The following DRC8 variants were observed in gnomAD, a reference collection of about 807,000 sequenced individuals.
DRC8 encodes the protein dynein regulatory complex protein 8.
chr1:245,087,538 T>C, the DRC8 span: 251 of 1,276,480 alleles, frequency 2.0e-4, 2 homozygotes, highest in East Asian at 2.6e-3. Context: ...TTAGTATGTC[T>C]AGCCTTACAG....
chr1:244,994,143 T>C, the DRC8 span, among the ~76,000 whole-genome samples: 1 of 152,216 alleles, frequency 6.6e-6, no homozygotes, highest in African/African-American at 2.4e-5. Context: ...TTGTCATCTT[T>C]TCTTTTACGA....
chr1:245,101,325 A>T, the DRC8 span, among the ~76,000 whole-genome samples: 1 of 152,220 alleles, frequency 6.6e-6, no homozygotes, highest in Non-Finnish European at 1.5e-5. Flanking sequence ...TGGTTGCATC[A>T]TCATGGTATA....
chr1:245,002,375 T>G, the DRC8 span: 1 of 699,132 alleles, frequency 1.4e-6, no homozygotes. Flanking sequence ...AATCTTCATT[T>G]GATAGCTATT....
chr1:245,083,401 T>G, the DRC8 span: 1 of 1,584,662 alleles, frequency 6.3e-7, no homozygotes, highest in Non-Finnish European at 8.7e-7. Flanking sequence ...AAGACTGCGG[T>G]AAATACCACG....
the DRC8 span, among the ~76,000 whole-genome samples, chr1:245,118,691 T>C: frequency 3.9e-5 from 6 of 151,928 alleles, no homozygotes; most frequent in Non-Finnish European, 7.4e-5. Flanking sequence ...CTCAGGAGGC[T>C]GAGGCAGGAG....
the DRC8 span, among the ~76,000 whole-genome samples, chr1:245,096,056 T>C: frequency 1.1e-3 from 168 of 152,350 alleles, no homozygotes; most frequent in African/African-American, 3.8e-3. Context: ...AAAGATTCAA[T>C]TGGATTAGCT....
the DRC8 span, among the ~76,000 whole-genome samples, chr1:245,108,946 C>CA: frequency 1.3e-5 from 2 of 152,062 alleles, no homozygotes; most frequent in Non-Finnish European, 2.9e-5. Flanking sequence ...TGGGTTTTGT[C>CA]AAAAGCAGAA....
At chr1:245,002,239 T>A in the DRC8 span, 1 of 1,597,282 alleles carries the variant, frequency 6.3e-7, no homozygotes, top group South Asian at 1.1e-5. Flanking sequence ...CAGGGTACAG[T>A]GCATTCATAC....
chr1:245,088,788 C>T, the DRC8 span, among the ~76,000 whole-genome samples: 1 of 152,152 alleles, frequency 6.6e-6, no homozygotes, highest in South Asian at 2.1e-4. The surrounding 1 kb of genome is among the most constrained non-coding windows in gnomAD (Gnocchi z 4.6). Context: ...GGGCACAGGG[C>T]ATTTCAGCAG....
At chr1:245,116,187 CT>C in the DRC8 span, among the ~76,000 whole-genome samples, 1 of 151,740 alleles carries the variant, frequency 6.6e-6, no homozygotes, top group East Asian at 1.9e-4. Flanking sequence ...TGTGCCTGGC[CT>C]AAAGATCCTA....
the DRC8 span, among the ~76,000 whole-genome samples, chr1:245,077,767 A>T: frequency 6.6e-6 from 1 of 152,230 alleles, no homozygotes; most frequent in East Asian, 1.9e-4. Context: ...GAGCCATAAA[A>T]CTAGAAGAAA....
the DRC8 span, among the ~76,000 whole-genome samples, chr1:245,006,931 C>T: frequency 6.7e-6 from 1 of 150,192 alleles, no homozygotes; most frequent in African/African-American, 2.4e-5. Flanking sequence ...AAGACTCTGT[C>T]TCAAAAACAA....
At chr1:245,000,328 G>A in the DRC8 span, among the ~76,000 whole-genome samples, 7 of 152,188 alleles carry the variant, frequency 4.6e-5, no homozygotes, top group Admixed American at 4.6e-4. Flanking sequence ...TCAACTGCGT[G>A]CAACTTAAAA....
At chr1:244,986,216 A>G in the DRC8 span, among the ~76,000 whole-genome samples, 2 of 152,068 alleles carry the variant, frequency 1.3e-5, no homozygotes, top group African/African-American at 4.8e-5. Context: ...CGGCCTCCCA[A>G]AGTGCTGGGA....
the DRC8 span, among the ~76,000 whole-genome samples, chr1:245,053,642 T>G: frequency 6.6e-6 from 1 of 152,194 alleles, no homozygotes; most frequent in Admixed American, 6.5e-5. Flanking sequence ...CAAAAGAATC[T>G]TTGCCTTTTT....
chr1:245,023,227 A>G, the DRC8 span: 1 of 152,206 alleles, frequency 6.6e-6, no homozygotes, highest in Non-Finnish European at 1.5e-5. Context: ...CCTTTTTTGA[A>G]TAATATTCCA....
At chr1:245,021,212 C>G in the DRC8 span, among the ~76,000 whole-genome samples, 8 of 151,906 alleles carry the variant, frequency 5.3e-5, no homozygotes, top group African/African-American at 1.9e-4. Flanking sequence ...GCTTTAATTT[C>G]TAATATGATA....
the DRC8 span, among the ~76,000 whole-genome samples, chr1:245,014,929 A>G: frequency 6.6e-6 from 1 of 152,226 alleles, no homozygotes; most frequent in Non-Finnish European, 1.5e-5. Flanking sequence ...GTATGAAGAA[A>G]GATTGGAAGA....
chr1:245,007,068 A>T, the DRC8 span, among the ~76,000 whole-genome samples: 3 of 152,254 alleles, frequency 2.0e-5, no homozygotes. Context: ...TCAGGGAATC[A>T]GTAGAAGATA....
Sources: allele counts gnomAD v4.1 joint callset (sites outside exome capture counted in the v4.1 genomes callset), GRCh38; gene constraint gnomAD v4.1.1; non-coding constraint Gnocchi (gnomAD v3.1); transcripts MANE v1.5; gene names NCBI Gene and HGNC (gene_info 2026-07-23, HGNC 2026-07-21).